The following USH2A variants were observed in gnomAD, a reference collection of about 807,000 sequenced individuals.
USH2A encodes the protein Usher syndrome 2A (autosomal recessive, mild).
USH2A carries 443 observed loss-of-function variants against 538.9 expected under a neutral mutation model. The ratio of observed to expected loss-of-function variants is 0.82; its 90% confidence interval spans 0.76 to 0.89. The LOEUF (loss-of-function observed/expected upper bound fraction) is 0.89. USH2A is among the 40% of genes least tolerant of loss of function. USH2A has a pLI of 0.00. For synonymous variants in USH2A, 2,413 were observed against 2,273.5 expected (o/e 1.06, Z -1.75); for missense variants, 6,633 against 6,324.8 (o/e 1.05, Z -1.65).
chr1:215,983,643 A>AC (rs1667806592), intron 35 of USH2A, among the ~76,000 whole-genome samples: 1 of 152,164 alleles, frequency 6.6e-6, no homozygotes, highest in South Asian at 2.1e-4. Flanking sequence ...ACACACACAC[A>AC]AAAAACACCT....
chr1:215,876,309 A>T (rs1248523392), intron 43 of USH2A, among the ~76,000 whole-genome samples: 1 of 152,172 alleles, frequency 6.6e-6, no homozygotes, highest in Non-Finnish European at 1.5e-5. Flanking sequence ...GCTTGATCAG[A>T]TTTACGAGAT....
At chr1:215,920,973 T>A (rs1484220801) in intron 38 of USH2A, among the ~76,000 whole-genome samples, 1 of 152,102 alleles carries the variant, frequency 6.6e-6, no homozygotes, top group Non-Finnish European at 1.5e-5. Context: ...TATGAATAAG[T>A]GTCTTCACCT....
At chr1:216,013,328 CT>C (rs1323216311) in intron 32 of USH2A, among the ~76,000 whole-genome samples, 3 of 150,972 alleles carry the variant, frequency 2.0e-5, no homozygotes, top group Admixed American at 6.6e-5. Context: ...CACGCCGCCC[CT>C]AATCCCGCTC....
At chr1:215,913,389 C>G (rs532116257) in intron 38 of USH2A, among the ~76,000 whole-genome samples, 2 of 152,188 alleles carry the variant, frequency 1.3e-5, no homozygotes, top group East Asian at 3.9e-4. Context: ...AGAAGAAAGG[C>G]TTTCTAAGGA....
At chr1:216,272,660 A>G (rs752880888) in intron 11 of USH2A, among the ~76,000 whole-genome samples, 4 of 152,020 alleles carry the variant, frequency 2.6e-5, no homozygotes, top group Non-Finnish European at 4.4e-5. Flanking sequence ...TCCCAGATTC[A>G]TAAGAGACTT....
chr1:216,418,282 C>A (rs905182195), intron 3 of USH2A, among the ~76,000 whole-genome samples: 3 of 152,054 alleles, frequency 2.0e-5, no homozygotes, highest in Non-Finnish European at 4.4e-5. Context: ...ATAGCATTGT[C>A]TTTAAGTTTC....
chr1:215,936,512 C>A (rs1306816923), intron 37 of USH2A, among the ~76,000 whole-genome samples: 1 of 151,974 alleles, frequency 6.6e-6, no homozygotes, highest in Admixed American at 6.6e-5. Flanking sequence ...AATGATAATA[C>A]AGTATTTACA....
At chr1:215,801,772 A>T (rs1326529591) in intron 49 of USH2A, among the ~76,000 whole-genome samples, 2 of 152,162 alleles carry the variant, frequency 1.3e-5, no homozygotes, top group African/African-American at 4.8e-5. Context: ...AGAAGAAGCC[A>T]TTATAAAATT....
Position 216,422,155 on chromosome 1 carries a change from G to T in USH2A, c.182C>A (p.Pro61Gln), listed in dbSNP as rs938662688. Residue 61 changes from proline to glutamine, a missense_variant, in exon 2 of 72, where the codon CCA becomes CAA. Pro to Gln is a moderately conservative substitution (Grantham distance 76). Transcript: ENST00000307340. ...GCTGTGACAAAAAGTGCTTCGGTCT[G>T]GGAGTCCACATACTGCTTGGGTTGG... ...IVPTQAVCGL[P>Q]DRSTFCHSSA... The T allele has an allele frequency of 1.5e-5, 25 of 1,613,770 alleles. No homozygotes were observed. The highest frequency in any genetic ancestry group is 1.9e-5 in the Non-Finnish European group (22 of 1,179,880).
chr1:216,306,018 C>T (rs1023714329), intron 9 of USH2A, among the ~76,000 whole-genome samples: 4 of 152,102 alleles, frequency 2.6e-5, no homozygotes, highest in Admixed American at 2.6e-4. Flanking sequence ...ATGAATTTCC[C>T]AGGTGTTCTT....
intron 44 of USH2A, among the ~76,000 whole-genome samples, chr1:215,847,357 T>A (rs1412867092): frequency 6.6e-6 from 1 of 152,084 alleles, no homozygotes; most frequent in Non-Finnish European, 1.5e-5. Flanking sequence ...AAATTATGCA[T>A]CAAAAATTGC....
intron 7 of USH2A, among the ~76,000 whole-genome samples, 170 bp downstream of exon 7, chr1:216,323,997 CA>C (rs2037673150): frequency 6.6e-6 from 1 of 152,038 alleles, no homozygotes; most frequent in Non-Finnish European, 1.5e-5. Flanking sequence ...ATGTCTTTTA[CA>C]AGAACTTTAA....
chr1:216,408,982 T>C (rs1406660592), intron 3 of USH2A, among the ~76,000 whole-genome samples: 3 of 152,176 alleles, frequency 2.0e-5, no homozygotes, highest in African/African-American at 7.2e-5. Context: ...AATTTTCCAT[T>C]TGATATTTTC....
chr1:215,896,647 T>C (rs149434718), intron 40 of USH2A, among the ~76,000 whole-genome samples: 2 of 152,222 alleles, frequency 1.3e-5, no homozygotes, highest in Non-Finnish European at 1.5e-5. Flanking sequence ...CAGAAAACAA[T>C]TGCAAACATA....
chr1:216,186,272 G>A (rs761636814), intron 20 of USH2A, among the ~76,000 whole-genome samples: 4 of 149,810 alleles, frequency 2.7e-5, no homozygotes, highest in Admixed American at 6.7e-5. Context: ...TCCTCCTGCC[G>A]CTGCTCAATC....
At chr1:215,827,474 T>G (rs1663187211) in intron 47 of USH2A, among the ~76,000 whole-genome samples, 1 of 152,150 alleles carries the variant, frequency 6.6e-6, no homozygotes, top group Admixed American at 6.5e-5. Context: ...GCCATAATAA[T>G]AAGCCCAATA....
chr1:216,089,207 G>A (rs375723078), intron 22 of USH2A, 68 bp from the exon 23 acceptor site: 54 of 1,507,136 alleles, frequency 3.6e-5, no homozygotes, highest in East Asian at 2.3e-4. Context: ...ACACATATTT[G>A]TTATAAACCA....
At chr1:216,405,095 A>T (rs1201945773) in intron 3 of USH2A, among the ~76,000 whole-genome samples, 2 of 152,152 alleles carry the variant, frequency 1.3e-5, no homozygotes, top group Non-Finnish European at 2.9e-5. Context: ...GGCTCAAGCA[A>T]TTCACCCACC....
chr1:216,332,066 C>A (rs187249303), intron 4 of USH2A, among the ~76,000 whole-genome samples: 36 of 152,186 alleles, frequency 2.4e-4, no homozygotes, highest in African/African-American at 8.4e-4. Flanking sequence ...CTCTGCCACT[C>A]TCTGGAAGCC....
Sources: gnomAD v4.1 joint callset for allele counts (sites outside exome capture counted in the v4.1 genomes callset) on GRCh38, gnomAD v4.1.1 for gene constraint, MANE v1.5 for transcripts, NCBI Gene and HGNC (gene_info 2026-07-23, HGNC 2026-07-21) for gene names.